APBA2: variants seen among roughly 807,000 people sequenced by gnomAD.
The protein encoded by APBA2 is amyloid beta precursor protein binding family A member 2.
APBA2 carries 30 observed loss-of-function variants against 75.0 expected under a neutral mutation model. The ratio of observed to expected loss-of-function variants is 0.40; its 90% CI spans 0.30 to 0.54. The LOEUF (loss-of-function observed/expected upper bound fraction) is 0.54, where lower values mean the gene tolerates loss of function less well. APBA2 is among the 20% of genes least tolerant of loss of function. APBA2 has a pLI of 0.49. For synonymous variants in APBA2, 444 were observed against 409.6 expected (o/e 1.08, Z -1.01); for missense variants, 801 against 1,016.1 (o/e 0.79, Z 2.88).
chr15:29,053,971 C>A lies in APBA2; in HGVS notation c.87C>A (p.Pro29=), dbSNP rs545698147. The A allele has an allele frequency of 6.2e-7, 1 of 1,614,020 alleles. No homozygotes were observed. Residue 29 remains proline, a synonymous_variant, in exon 4 of 15, where the codon CCC becomes CCA. Coordinates refer to ENST00000683413, the MANE Select transcript of APBA2 (RefSeq NM_001353788.2). ...RPGPVPHSQE[P]ESEDMELPLE... Reference sequence around the variant, plus strand: ...GTCCTGTCCCTCACAGCCAGGAGCCCGAGAGCGAGGACATGGAGCTGCCCT... The same window carrying A: ...GTCCTGTCCCTCACAGCCAGGAGCCAGAGAGCGAGGACATGGAGCTGCCCT...
chr15:29,023,509 G>A (rs973041256), intron 3 of APBA2, among the ~76,000 whole-genome samples: 2 of 125,360 alleles, frequency 1.6e-5, no homozygotes, highest in African/African-American at 2.9e-5. Flanking sequence ...AGGCTGGAGT[G>A]TAGTGGCGCG....
intron 1 of APBA2, among the ~76,000 whole-genome samples, chr15:28,898,381 A>C (rs560888040): frequency 6.6e-6 from 1 of 152,346 alleles, no homozygotes; most frequent in East Asian, 1.9e-4. Context: ...GTCTTCTCAC[A>C]GGGCACACTG....
At chr15:28,890,075 A>G (rs1386025656) in intron 1 of APBA2, among the ~76,000 whole-genome samples, 2 of 152,132 alleles carry the variant, frequency 1.3e-5, no homozygotes, top group African/African-American at 4.8e-5. Flanking sequence ...CTTGCAGCAC[A>G]TGTCCTGCTC....
intron 9 of APBA2, 37 bp downstream of exon 9, chr15:29,098,613 C>T: frequency 6.5e-7 from 1 of 1,531,632 alleles, no homozygotes; most frequent in Non-Finnish European, 9.0e-7. Context: ...ATCAGGTAAA[C>T]TCCTAAGTTC....
intron 3 of APBA2, among the ~76,000 whole-genome samples, chr15:29,020,944 G>A (rs1328863097): frequency 2.0e-5 from 3 of 152,134 alleles, no homozygotes; most frequent in Non-Finnish European, 2.9e-5. Flanking sequence ...TGTTACTGCG[G>A]CACGAACCTC....
rs150481372 is a variant in APBA2, at chr15:28,944,257, A to G, written c.-95+22508A>G. ...CTCTTTCGCGGTTTGGGATTAAGCC[A>G]TGCAGAAAGGTGTGCAGGAGCCTAG... On this transcript the variant is annotated intron_variant, in intron 2 of 14. Transcript: ENST00000683413. Among the ~76,000 whole-genome samples, 7 of 152,304 alleles carry G rather than the reference A, an allele frequency of 4.6e-5. No homozygotes were observed. In the East Asian group the frequency reaches 1.2e-3, roughly 25 times the overall value.
intron 9 of APBA2, among the ~76,000 whole-genome samples, chr15:29,099,109 G>A (rs532018185): frequency 6.6e-6 from 1 of 152,298 alleles, no homozygotes; most frequent in South Asian, 2.1e-4. Context: ...AACTCAGGGA[G>A]ACAGGTGCCA....
At chr15:28,912,498 A>C (rs2033476418) in intron 1 of APBA2, among the ~76,000 whole-genome samples, 1 of 152,242 alleles carries the variant, frequency 6.6e-6, no homozygotes, top group African/African-American at 2.4e-5. Flanking sequence ...AAAAGCCCCA[A>C]GCTCTAGCTG....
chr15:28,953,686 G>A (rs189342384), intron 2 of APBA2, among the ~76,000 whole-genome samples: 21 of 152,190 alleles, frequency 1.4e-4, no homozygotes, highest in Admixed American at 5.2e-4. Flanking sequence ...TGCCACAGTC[G>A]TCCCCTCTAG....
At position 28,901,908 on chromosome 15, in the gene APBA2, A is replaced by ATGTGTGTGTGTGTGTGTGTGTGTGTGTG. The variant is rs766260051; in HGVS notation, c.-205+15636_-205+15663dup. Among the ~76,000 whole-genome samples, 10 of 67,410 alleles carry ATGTGTGTGTGTGTGTGTGTGTGTGTGTG rather than the reference A, an allele frequency of 1.5e-4. No individual in the cohort carries two copies. In the South Asian group the frequency reaches 1.8e-3, roughly 12 times the overall value. 44.2% of individuals were successfully genotyped at this position (67,410 alleles called of 152,430 possible). On this transcript the variant is annotated intron_variant, in intron 1 of 14. Coordinates refer to ENST00000683413, the MANE Select transcript of APBA2 (RefSeq NM_001353788.2). ...GGACCCTGCCCTCGGGGAGCTTTTG[A>ATGTGTGTGTGTGTGTGTGTGTGTGTGTG]TGTGTGTGTGTGTGTGTGTGTGTGT...
rs1316733708 is a variant in APBA2, at chr15:29,093,134, C to T, written c.1129C>T (p.Leu377=). Residue 377 remains leucine (L), a synonymous_variant, in exon 7 of 15, where the codon CTG becomes TTG. Coordinates refer to ENST00000683413, the MANE Select transcript of APBA2 (RefSeq NM_001353788.2). Reference sequence around the variant, plus strand: ...CGGGATCATCTTTGCTGCCAATTACCTGGGGTCCACCCAGCTGCTATCAGA... The same window carrying T: ...CGGGATCATCTTTGCTGCCAATTACTTGGGGTCCACCCAGCTGCTATCAGA... ...IDGIIFAANY[L]GSTQLLSERN... 1 of 1,614,158 alleles carries T rather than the reference C, an allele frequency of 6.2e-7. No homozygotes were observed. The highest frequency in any genetic ancestry group is 1.3e-5 in the African/African-American group (1 of 74,948).
At position 29,117,666 on chromosome 15, in the gene APBA2, A is replaced by G. The variant is rs374966862; in HGVS notation, c.*533A>G. ...CGACTTGTAATGAAAGTTTGGGGAC[A>G]TGTGATTGATTGATTGATTGTAAAT... On this transcript the variant is annotated 3_prime_UTR_variant, in exon 15 of 15. Transcript: ENST00000683413. 5 of 91,192 alleles carry G rather than the reference A, an allele frequency of 5.5e-5. No homozygotes were observed. The highest frequency in any genetic ancestry group is 1.3e-4 in the African/African-American group (4 of 31,740). 5.6% of individuals were successfully genotyped at this position (91,192 alleles called of 1,614,324 possible).
Position 29,055,668 on chromosome 15 carries a change from A to AGTGTGTGTGTGTGT in APBA2, c.951+864_951+877dup, listed in dbSNP as rs57671107. Among the ~76,000 whole-genome samples, 283 of 127,516 alleles carry AGTGTGTGTGTGTGT rather than the reference A, an allele frequency of 2.2e-3. 3 individuals carry two copies. Among genetic ancestry groups the AGTGTGTGTGTGTGT allele is most frequent in the Admixed American group, 0.013 (161 of 12,822 alleles). 83.7% of individuals were successfully genotyped at this position (127,516 alleles called of 152,430 possible). ...TTTCCGAGAAGAGTTCATGAATTTG[A>AGTGTGTGTGTGTGT]GTGTGTGTGTGTGTGTGTGTGTGTG... On this transcript the variant is annotated intron_variant, in intron 4 of 14. Coordinates refer to ENST00000683413, the MANE Select transcript of APBA2 (RefSeq NM_001353788.2).
chr15:29,115,843 G>A (rs3829465), intron 14 of APBA2, among the ~76,000 whole-genome samples: 5,098 of 152,286 alleles, frequency 0.033, 144 homozygotes, highest in East Asian at 0.081. Flanking sequence ...GCTGCGCGAT[G>A]TGCCTTTCTG....
chr15:29,072,054 TC>T (rs1178026521), intron 4 of APBA2, among the ~76,000 whole-genome samples: 1 of 151,840 alleles, frequency 6.6e-6, no homozygotes, highest in African/African-American at 2.4e-5. Flanking sequence ...CCCTGTTGTG[TC>T]CCCCAACCCC....
chr15:28,990,738 G>A (rs1239365082), intron 2 of APBA2: 2 of 152,210 alleles, frequency 1.3e-5, no homozygotes, highest in African/African-American at 2.4e-5. Flanking sequence ...AATAAAAAGT[G>A]AGGACATGGG....
chr15:29,080,521 G>A (rs2043040944), intron 6 of APBA2, among the ~76,000 whole-genome samples: 1 of 152,238 alleles, frequency 6.6e-6, no homozygotes, highest in Admixed American at 6.5e-5. Flanking sequence ...GAAAGTTCTC[G>A]GGGTCTAGCG....
intron 2 of APBA2, among the ~76,000 whole-genome samples, chr15:28,981,789 T>G (rs1566869833): frequency 6.6e-6 from 1 of 152,138 alleles, no homozygotes; most frequent in Non-Finnish European, 1.5e-5. Flanking sequence ...GATAAAGAAA[T>G]TATGGTACAT....
At chr15:29,043,160 G>A (rs1220626358) in intron 3 of APBA2, among the ~76,000 whole-genome samples, 3 of 152,192 alleles carry the variant, frequency 2.0e-5, no homozygotes, top group Admixed American at 1.3e-4. Flanking sequence ...GCTTTCAGGC[G>A]TGGACTACAT....
Sources: gnomAD v4.1 joint callset for allele counts (sites outside exome capture counted in the v4.1 genomes callset) on GRCh38, gnomAD v4.1.1 for gene constraint, MANE v1.5 for transcripts, NCBI Gene and HGNC (gene_info 2026-07-23, HGNC 2026-07-21) for gene names.